Variants in AP2B1 observed in about 807,000 individuals in gnomAD.
AP2B1 encodes the protein adaptor related protein complex 2 subunit beta 1.
A neutral mutation model predicts 102.0 loss-of-function variants in AP2B1; 23 were observed. The observed-to-expected ratio is 0.23, with a 90% CI of 0.16 to 0.32. The LOEUF (loss-of-function observed/expected upper bound fraction) is 0.32, where lower values mean the gene tolerates loss of function less well. AP2B1 is among the 10% of genes least tolerant of loss of function. The pLI, the probability that AP2B1 is intolerant of heterozygous loss-of-function variation, is 1.00. For missense variants in AP2B1, 541 were observed against 1,157.4 expected (o/e 0.47, Z 7.73); for synonymous variants, 381 against 421.2 (o/e 0.90, Z 1.17).
At chr17:35,670,780 C>A in intron 14 of AP2B1, 77 bp from the exon 15 acceptor site, 1 of 1,452,878 alleles carries the variant, frequency 6.9e-7, no homozygotes, top group Non-Finnish European at 9.6e-7. Context: ...GAGCAATTTA[C>A]AGATTCTATA....
At chr17:35,605,920 A>G (rs1358476189) in intron 4 of AP2B1, 80 bp downstream of exon 4, 9 of 1,550,446 alleles carry the variant, frequency 5.8e-6, no homozygotes, top group South Asian at 1.3e-5. Context: ...AGTGTAGGGA[A>G]GTGTTGGCAA....
At chr17:35,664,096 C>T (rs901292874) in intron 14 of AP2B1, among the ~76,000 whole-genome samples, 5 of 152,172 alleles carry the variant, frequency 3.3e-5, no homozygotes, top group East Asian at 1.9e-4. Context: ...CAAAAATCTC[C>T]GTTTCCCATC....
intron 9 of AP2B1, among the ~76,000 whole-genome samples, chr17:35,635,488 A>G (rs1332402694): frequency 1.3e-5 from 2 of 152,130 alleles, no homozygotes; most frequent in Non-Finnish European, 2.9e-5. Flanking sequence ...GGATTCAAGC[A>G]ATTCTCTGCG....
intron 18 of AP2B1, among the ~76,000 whole-genome samples, chr17:35,708,940 T>G (rs1279589929): frequency 1.3e-5 from 2 of 152,152 alleles, no homozygotes; most frequent in African/African-American, 4.8e-5. Flanking sequence ...TTAATAATCA[T>G]AGAGAAAAAA....
intron 9 of AP2B1, among the ~76,000 whole-genome samples, chr17:35,634,185 TC>T (rs1339476181): frequency 1.3e-4 from 20 of 152,166 alleles, no homozygotes; most frequent in African/African-American, 4.8e-4. Context: ...GTCTCTTAAG[TC>T]TTTTTACTTA....
At chr17:35,642,040 C>T (rs557887374) in intron 12 of AP2B1, 65 bp downstream of exon 12, 37 of 1,253,138 alleles carry the variant, frequency 3.0e-5, no homozygotes, top group Admixed American at 1.6e-4. Context: ...AATTATGAAA[C>T]TCTTCCTAGG....
intron 1 of AP2B1, among the ~76,000 whole-genome samples, chr17:35,589,028 G>A (rs1264666904): frequency 1.3e-5 from 2 of 152,082 alleles, no homozygotes; most frequent in African/African-American, 4.8e-5. Flanking sequence ...TCTAGCCTTA[G>A]GTTTTCCAGA....
At chr17:35,637,941 C>T (rs1034257329) in intron 10 of AP2B1, among the ~76,000 whole-genome samples, 1 of 152,134 alleles carries the variant, frequency 6.6e-6, no homozygotes, top group Non-Finnish European at 1.5e-5. Flanking sequence ...CCACCTCGCC[C>T]TCCCAAAGTG....
At chr17:35,632,336 T>C (rs1015547443) in intron 9 of AP2B1, among the ~76,000 whole-genome samples, 9 of 152,142 alleles carry the variant, frequency 5.9e-5, no homozygotes, top group African/African-American at 2.2e-4. Flanking sequence ...GGTTTCACCA[T>C]GTTGGCTATG....
At chr17:35,615,647 C>G (rs2073990863) in intron 5 of AP2B1, among the ~76,000 whole-genome samples, 1 of 151,982 alleles carries the variant, frequency 6.6e-6, no homozygotes, top group African/African-American at 2.4e-5. Flanking sequence ...TGTTGTTATC[C>G]TTAAATATAT....
At chr17:35,720,113 G>A (rs1163958885) in intron 21 of AP2B1, among the ~76,000 whole-genome samples, 1 of 152,106 alleles carries the variant, frequency 6.6e-6, no homozygotes, top group Non-Finnish European at 1.5e-5. Flanking sequence ...CAAACAGACG[G>A]GCTGGGCACA....
chr17:35,705,232 T>C (rs1223200867), intron 18 of AP2B1, among the ~76,000 whole-genome samples: 1 of 152,026 alleles, frequency 6.6e-6, no homozygotes, highest in Non-Finnish European at 1.5e-5. Context: ...AGCTGCAAAA[T>C]ACAGATTTTG....
intron 21 of AP2B1, among the ~76,000 whole-genome samples, chr17:35,717,584 C>A (rs1310007769): frequency 6.6e-6 from 1 of 152,212 alleles, no homozygotes; most frequent in Non-Finnish European, 1.5e-5. Context: ...CATCCCTCCC[C>A]CCTGGTGTAT....
At chr17:35,605,909 G>A in intron 4 of AP2B1, 69 bp downstream of exon 4, 1 of 1,564,930 alleles carries the variant, frequency 6.4e-7, no homozygotes, top group South Asian at 1.2e-5. Context: ...CACAAGGAAG[G>A]AGTGTAGGGA....
chr17:35,718,357 T>G (rs782539283), intron 21 of AP2B1, among the ~76,000 whole-genome samples: 1 of 140,322 alleles, frequency 7.1e-6, no homozygotes, highest in Admixed American at 7.2e-5. Context: ...TGTGTGTGTG[T>G]GCTCGCTCCT....
intron 21 of AP2B1, among the ~76,000 whole-genome samples, chr17:35,722,811 A>G (rs2085441997): frequency 6.6e-6 from 1 of 152,218 alleles, no homozygotes; most frequent in Admixed American, 6.5e-5. Flanking sequence ...ATTATTGTTA[A>G]TAATATTCTG....
chr17:35,631,516 T>C (rs1187290136), intron 9 of AP2B1, among the ~76,000 whole-genome samples: 1 of 152,146 alleles, frequency 6.6e-6, no homozygotes, highest in Non-Finnish European at 1.5e-5. Context: ...TTTATAAAAA[T>C]GAAATCATTC....
intron 16 of AP2B1, among the ~76,000 whole-genome samples, chr17:35,673,661 G>A (rs575189686): frequency 1.3e-5 from 2 of 152,182 alleles, no homozygotes; most frequent in Non-Finnish European, 2.9e-5. Context: ...AGTTAAAAAC[G>A]TATATAAGAC....
chr17:35,620,421 G>T (rs2074141515), intron 5 of AP2B1, among the ~76,000 whole-genome samples: 1 of 152,066 alleles, frequency 6.6e-6, no homozygotes, highest in Non-Finnish European at 1.5e-5. Context: ...CTGTAGCCTG[G>T]GTGACGGGCA....
Sources: gnomAD v4.1 joint callset for allele counts (sites outside exome capture counted in the v4.1 genomes callset) on GRCh38, gnomAD v4.1.1 for gene constraint, MANE v1.5 for transcripts, NCBI Gene and HGNC (gene_info 2026-07-23, HGNC 2026-07-21) for gene names.